Variants in RPN2 observed in about 807,000 individuals in gnomAD.
RPN2 encodes dolichyl-diphosphooligosaccharide--protein glycosyltransferase subunit 2.
Under a neutral mutation model 71.4 loss-of-function variants are expected in RPN2, and 29 were observed. That is an observed-to-expected ratio of 0.41 (90% CI 0.30 to 0.55). The LOEUF is 0.55. RPN2 is among the 20% of genes least tolerant of loss of function. The pLI, the probability that RPN2 is intolerant of heterozygous loss-of-function variation, is 0.35. For missense variants in RPN2, 726 were observed against 774.1 expected, an observed-to-expected ratio of 0.94 and a Z score of 0.74; for synonymous variants, 308 against 305.0, an observed-to-expected ratio of 1.01 and a Z score of -0.10.
chr20:37,236,773 G>A (rs2068407954), intron 16 of RPN2, 64 bp downstream of exon 16: 5 of 1,535,334 alleles, frequency 3.3e-6, no homozygotes, highest in Non-Finnish European at 4.5e-6. Flanking sequence ...TGCCGGCCTA[G>A]CTCTTTGAAG....
At chr20:37,213,648 AAGG>A in intron 8 of RPN2, 109 bp from the exon 9 acceptor site, 1 of 817,812 alleles carries the variant, frequency 1.2e-6, no homozygotes, top group Non-Finnish European at 2.1e-6. Context: ...TCAAAAAGGT[AAGG>A]AGTTGGCTAG....
chr20:37,235,515 C>A (rs1454480693), intron 15 of RPN2, among the ~76,000 whole-genome samples: 1 of 152,144 alleles, frequency 6.6e-6, no homozygotes, highest in Non-Finnish European at 1.5e-5. Context: ...CAGCTCTGAG[C>A]CCTTTTCACT....
At chr20:37,204,975 C>T in intron 6 of RPN2, 74 bp downstream of exon 6, 1 of 1,604,646 alleles carries the variant, frequency 6.2e-7, no homozygotes, top group Non-Finnish European at 8.5e-7. Flanking sequence ...TGGCTTTTAT[C>T]AGAGAGGAAT....
chr20:37,227,738 G>T (rs1407539819), intron 11 of RPN2, among the ~76,000 whole-genome samples: 1 of 152,152 alleles, frequency 6.6e-6, no homozygotes, highest in African/African-American at 2.4e-5. Flanking sequence ...AAAAGCTCTG[G>T]GTAGTTATCA....
At chr20:37,183,026 A>G (rs1411417957) in intron 1 of RPN2, among the ~76,000 whole-genome samples, 1 of 152,346 alleles carries the variant, frequency 6.6e-6, no homozygotes, top group East Asian at 1.9e-4. Context: ...GGATGAACAA[A>G]AGAAGCAGTC....
At chr20:37,211,102 T>G (rs1302934300) in intron 8 of RPN2, among the ~76,000 whole-genome samples, 1 of 151,588 alleles carries the variant, frequency 6.6e-6, no homozygotes, top group Non-Finnish European at 1.5e-5. Context: ...TGGTGTGATC[T>G]CGGCTCACTG....
intron 11 of RPN2, among the ~76,000 whole-genome samples, chr20:37,226,280 C>T (rs1410063852): frequency 6.6e-6 from 1 of 152,164 alleles, no homozygotes; most frequent in Non-Finnish European, 1.5e-5. Flanking sequence ...ACCATGTTGG[C>T]CAGGCTGTTC....
chr20:37,185,371 A>G (rs905472507), intron 2 of RPN2, among the ~76,000 whole-genome samples: 2 of 152,100 alleles, frequency 1.3e-5, no homozygotes, highest in African/African-American at 4.8e-5. Flanking sequence ...TCCTGGGCTC[A>G]AGTGATCCAC....
At chr20:37,203,651 C>T (rs879343922) in intron 4 of RPN2, among the ~76,000 whole-genome samples, 10 of 152,192 alleles carry the variant, frequency 6.6e-5, no homozygotes, top group African/African-American at 2.2e-4. Context: ...CCAATGCCCA[C>T]GGTTCTTCTT....
chr20:37,228,528 A>T (rs1307694084), intron 11 of RPN2, 22 bp from the exon 12 acceptor site: 1 of 1,607,694 alleles, frequency 6.2e-7, no homozygotes, highest in Non-Finnish European at 8.5e-7. Flanking sequence ...CAGATGAAAG[A>T]TTGTATTATT....
chr20:37,229,819 T>G (rs1353127468), intron 12 of RPN2, 154 bp from the exon 13 acceptor site: 4 of 688,626 alleles, frequency 5.8e-6, no homozygotes, highest in East Asian at 5.2e-5. Flanking sequence ...AAGTTTTTAC[T>G]GCCTCAATTT....
rs199594513 is a variant in RPN2 at position 37,213,806 on chromosome 20, T to G, written c.1033T>G (p.Tyr345Asp). The change falls in exon 9 of 17, where the codon TAT (tyrosine) becomes GAT (aspartate). Residue 345 changes from tyrosine (Y) to aspartate (D), a missense_variant. Tyr to Asp is a radical substitution (Grantham distance 160). Transcript: ENST00000237530. ...CATGAACGTCAAATTTTCCAGTGGT[T>G]ATTATGACTTCCTTGTCGAAGTTGA... ...NFMNVKFSSG[Y>D]YDFLVEVEGD... is the part of the protein sequence containing the mutation. 1.6e-5 allele frequency: 26 copies of G among 1,614,058 alleles called. No homozygotes were observed. Among genetic ancestry groups the G allele is most frequent in the Non-Finnish European group, 1.9e-5 (23 of 1,180,004 alleles).
At chr20:37,216,884 C>T (rs544665177) in intron 9 of RPN2, among the ~76,000 whole-genome samples, 7 of 152,136 alleles carry the variant, frequency 4.6e-5, no homozygotes, top group Admixed American at 2.6e-4. Context: ...GTACTTATTG[C>T]ATTATATTAC....
Position 37,236,686 on chromosome 20 carries a change from G to A in RPN2, c.1860G>A (p.Met620Ile). The change falls in exon 16 of 17, where the codon ATG becomes ATA. Residue 620 changes from methionine to isoleucine, a missense_variant. By Grantham distance (10) the Met-to-Ile change is conservative (BLOSUM62 1). Coordinates refer to ENST00000237530, the MANE Select transcript of RPN2 (RefSeq NM_002951.5). ...TGACGTTTCTGGCTGGCAATCGGAT[G>A]CTGGCCCAGCAGGCAGTCAAGAGGT... ...GSVTFLAGNR[M>I]LAQQAVKRTA... is the part of the protein sequence containing the mutation. 4 of 1,614,154 alleles carry A rather than the reference G, an allele frequency of 2.5e-6. No individual in the cohort carries two copies. Among genetic ancestry groups the A allele is most frequent in the Non-Finnish European group, 3.4e-6 (4 of 1,179,978 alleles).
chr20:37,239,647 G>C (rs1413724478), intron 16 of RPN2, among the ~76,000 whole-genome samples: 3 of 152,082 alleles, frequency 2.0e-5, no homozygotes, highest in African/African-American at 7.2e-5. Flanking sequence ...GCAGAAAAAT[G>C]TACCCTTTTT....
intron 2 of RPN2, among the ~76,000 whole-genome samples, chr20:37,193,889 G>A (rs1421676578): frequency 6.6e-6 from 1 of 152,188 alleles, no homozygotes; most frequent in Non-Finnish European, 1.5e-5. Context: ...CATGGGCATG[G>A]ATGGGATGGC....
chr20:37,188,798 T>TAA (rs781474882), intron 2 of RPN2, among the ~76,000 whole-genome samples: 2 of 150,988 alleles, frequency 1.3e-5, no homozygotes, highest in Admixed American at 6.6e-5. Context: ...TTTTTTTTTT[T>TAA]AATATTTGTA....
chr20:37,215,456 T>G (rs1254843367), intron 9 of RPN2, among the ~76,000 whole-genome samples: 2 of 152,258 alleles, frequency 1.3e-5, no homozygotes, highest in Non-Finnish European at 2.9e-5. Context: ...CAAATCCACA[T>G]TCTTATAATG....
At chr20:37,222,299 A>G (rs1396371166) in intron 9 of RPN2, among the ~76,000 whole-genome samples, 1 of 152,222 alleles carries the variant, frequency 6.6e-6, no homozygotes, top group Non-Finnish European at 1.5e-5. Flanking sequence ...AATGACAGGC[A>G]ATGATCCTAA....
Sources: allele counts gnomAD v4.1 joint callset (sites outside exome capture counted in the v4.1 genomes callset), GRCh38; gene constraint gnomAD v4.1.1; transcripts MANE v1.5; gene names NCBI Gene and HGNC (gene_info 2026-07-23, HGNC 2026-07-21).